The following CNNM4 variants were observed in gnomAD, a reference collection of about 807,000 sequenced individuals.
The protein encoded by CNNM4 is metal transporter CNNM4.
A neutral mutation model predicts 53.7 loss-of-function variants in CNNM4; 32 were observed. That is an observed-to-expected ratio of 0.60 (90% CI 0.45 to 0.80). The LOEUF is 0.80. Among genes scored for constraint, CNNM4 ranks in the 30% least tolerant of loss-of-function variants. The pLI, the probability that CNNM4 is intolerant of heterozygous loss-of-function variation, is 0.00. For missense variants in CNNM4, 784 were observed against 1,022.0 expected (o/e 0.77, Z 3.17); for synonymous variants, 410 against 440.0 (o/e 0.93, Z 0.85).
chr2:96,798,144 GA>G, intron 3 of CNNM4: 1 of 244,064 alleles, frequency 4.1e-6, no homozygotes, highest in Non-Finnish European at 8.2e-6. Flanking sequence ...GATGTGGGAG[GA>G]CCGCTTGAGC....
intron 1 of CNNM4, among the ~76,000 whole-genome samples, chr2:96,782,750 G>A (rs2078985344): frequency 6.6e-6 from 1 of 152,078 alleles, no homozygotes; most frequent in Admixed American, 6.6e-5. Context: ...TTTACTAAGG[G>A]GAAAAAAAGC....
intron 1 of CNNM4, among the ~76,000 whole-genome samples, chr2:96,783,014 T>A (rs957599818): frequency 4.6e-5 from 7 of 152,086 alleles, no homozygotes; most frequent in Non-Finnish European, 7.4e-5. Context: ...AAGACCAGCC[T>A]GGTCAACATG....
intron 5 of CNNM4, among the ~76,000 whole-genome samples, chr2:96,806,082 C>T (rs2079202410): frequency 7.7e-6 from 1 of 129,834 alleles, no homozygotes; most frequent in African/African-American, 4.6e-5. Context: ...GGGGGGCTGA[C>T]CCCCCCCAAC....
chr2:96,808,411 A>C lies in CNNM4; in HGVS notation c.1949-150A>C. The C allele has an allele frequency of 1.3e-6, 1 of 744,980 alleles. No homozygotes were observed. The highest frequency in any genetic ancestry group is 2.4e-6 in the Non-Finnish European group (1 of 425,508). The allele number at this position is 744,980 out of a possible 1,614,324, so 46.1% of individuals were successfully genotyped here. On this transcript the variant is annotated intron_variant, in intron 5 of 6. Coordinates refer to ENST00000377075, the MANE Select transcript of CNNM4 (RefSeq NM_020184.4). This position sits in a 1 kb window ranked among gnomAD's most constrained non-coding sequence, Gnocchi z 4.9. ...TAACGAAGTCAGACCTTATGCAGTC[A>C]GACCTTCTACATGCTTCTGTTTGTC...
Position 96,785,523 on chromosome 2 carries a change from T to C in CNNM4, c.1403-11489T>C, listed in dbSNP as rs2079009278. On this transcript the variant is annotated intron_variant, in intron 1 of 6. Transcript: ENST00000377075. Reference sequence around the variant, plus strand: ...ATGATGGCCTGTAATCCAGGCTACTTGGGAGGCTGAGGTGGGAGGATCAGT... The same window carrying C: ...ATGATGGCCTGTAATCCAGGCTACTCGGGAGGCTGAGGTGGGAGGATCAGT... Among the ~76,000 whole-genome samples, 3 of 151,846 alleles carry C rather than the reference T, an allele frequency of 2.0e-5. No homozygotes were observed. The South Asian group carries it at 6.2e-4, about 32-fold the overall frequency.
rs1368653326 is a variant in CNNM4 at position 96,761,460 on chromosome 2, C to T, written c.461C>T (p.Ala154Val). 3.7e-6 allele frequency: 6 copies of T among 1,614,128 alleles called. No individual in the cohort carries two copies. Among genetic ancestry groups the T allele is most frequent in the Non-Finnish European group, 5.1e-6 (6 of 1,180,022 alleles). ...SMKLYALCTR[A>V]QPDGPWLKWT... ...AAGCTGTATGCACTGTGCACCCGGGCCCAGCCCGACGGGCCCTGGCTGAAG... is the reference window on the plus strand; with the variant it reads ...AAGCTGTATGCACTGTGCACCCGGGTCCAGCCCGACGGGCCCTGGCTGAAG... The change falls in exon 1 of 7, where the codon GCC becomes GTC. Residue 154 changes from alanine to valine, a missense_variant. By Grantham distance (64) the Ala-to-Val change is moderately conservative (BLOSUM62 0). Around this residue, in one of 3 missense-constraint regions of CNNM4, gnomAD observed 473 missense variants for 624.6 expected, o/e 0.76. Coordinates refer to ENST00000377075, the MANE Select transcript of CNNM4 (RefSeq NM_020184.4). The surrounding 1 kb of genome is among the most constrained non-coding windows in gnomAD (Gnocchi z 6.0).
intron 1 of CNNM4, among the ~76,000 whole-genome samples, chr2:96,767,554 G>A (rs1343833697): frequency 6.6e-6 from 1 of 152,130 alleles, no homozygotes; most frequent in Non-Finnish European, 1.5e-5. Flanking sequence ...CCAGCTTCTA[G>A]CTGTGCCTCA....
chr2:96,795,324 G>C (rs1382025445), intron 1 of CNNM4, among the ~76,000 whole-genome samples: 1 of 152,214 alleles, frequency 6.6e-6, no homozygotes, highest in Admixed American at 6.5e-5. Flanking sequence ...CAGATCTCTT[G>C]AACTTGTTGG....
chr2:96,773,439 G>A (rs2078896542), intron 1 of CNNM4, among the ~76,000 whole-genome samples: 1 of 152,196 alleles, frequency 6.6e-6, no homozygotes, highest in African/African-American at 2.4e-5. Flanking sequence ...TGTGGCCACA[G>A]CAGTTCTCAT....
intron 6 of CNNM4, 71 bp from the exon 7 acceptor site, chr2:96,809,249 T>C (rs1446726376): frequency 6.3e-7 from 1 of 1,597,226 alleles, no homozygotes; most frequent in Admixed American, 1.7e-5. Flanking sequence ...CCTGGCCCTG[T>C]TTCTCCAGGC....
chr2:96,806,535 A>ACGTG (rs2079209641), intron 5 of CNNM4, among the ~76,000 whole-genome samples: 1 of 123,944 alleles, frequency 8.1e-6, no homozygotes, highest in Non-Finnish European at 1.8e-5. Flanking sequence ...ACACACACAC[A>ACGTG]CGCGCGCGCG....
At chr2:96,806,531 A>ACG (rs1439016674) in intron 5 of CNNM4, among the ~76,000 whole-genome samples, 1,735 of 140,430 alleles carry the variant, frequency 0.012, 14 homozygotes, top group Middle Eastern at 0.035. Flanking sequence ...ACACACACAC[A>ACG]CACACGCGCG....
At chr2:96,780,539 C>T (rs910339714) in intron 1 of CNNM4, among the ~76,000 whole-genome samples, 2 of 151,766 alleles carry the variant, frequency 1.3e-5, no homozygotes, top group African/African-American at 2.4e-5. Flanking sequence ...GGATTACAGG[C>T]GTGAGCCACC....
chr2:96,769,055 T>G (rs1291697384), intron 1 of CNNM4, among the ~76,000 whole-genome samples: 1 of 151,876 alleles, frequency 6.6e-6, no homozygotes, highest in Non-Finnish European at 1.5e-5. Context: ...ATCGAGACCA[T>G]CCTGGCTAAC....
Position 96,769,643 on chromosome 2 carries a change from G to A in CNNM4, c.1402+7242G>A, listed in dbSNP as rs111763803. Among the ~76,000 whole-genome samples the A allele has an allele frequency of 2.5e-3, 379 of 152,036 alleles. 3 individuals are homozygous for A. Among genetic ancestry groups the A allele is most frequent in the Middle Eastern group, 0.024 (7 of 294 alleles). ...CAGTGTGTAAAAGCCAGGCTGAGGCGACTCCTTGATGGAGACGAAGAGAAC... is the reference window on the plus strand; with the variant it reads ...CAGTGTGTAAAAGCCAGGCTGAGGCAACTCCTTGATGGAGACGAAGAGAAC... On this transcript the variant is annotated intron_variant, in intron 1 of 6. Coordinates refer to ENST00000377075, the MANE Select transcript of CNNM4 (RefSeq NM_020184.4).
intron 1 of CNNM4, 84 bp downstream of exon 1, chr2:96,762,485 T>A: frequency 7.7e-7 from 1 of 1,291,800 alleles, no homozygotes; most frequent in African/African-American, 1.5e-5. Context: ...CTGGCTTTAG[T>A]GTTCTGTTTG....
intron 1 of CNNM4, among the ~76,000 whole-genome samples, chr2:96,791,561 C>G (rs1391285227): frequency 6.6e-6 from 1 of 150,820 alleles, no homozygotes; most frequent in Non-Finnish European, 1.5e-5. Context: ...TGCACTTGAG[C>G]CTGGGCAAAA....
intron 1 of CNNM4, among the ~76,000 whole-genome samples, chr2:96,793,539 G>A (rs72809852): frequency 2.6e-5 from 4 of 152,210 alleles, no homozygotes; most frequent in East Asian, 1.9e-4. Flanking sequence ...GCTGCCACCC[G>A]AGGGTGCACA....
At chr2:96,789,960 A>C (rs1387965325) in intron 1 of CNNM4, among the ~76,000 whole-genome samples, 4 of 105,828 alleles carry the variant, frequency 3.8e-5, no homozygotes, top group Non-Finnish European at 5.4e-5. Context: ...CGGCCCTCCA[A>C]AATGCTGGGA....
Sources: allele counts gnomAD v4.1 joint callset (sites outside exome capture counted in the v4.1 genomes callset), GRCh38; gene constraint gnomAD v4.1.1; regional missense constraint gnomAD v4.1.1; non-coding constraint Gnocchi (gnomAD v3.1); transcripts MANE v1.5; gene names NCBI Gene and HGNC (gene_info 2026-07-23, HGNC 2026-07-21).